The following NXPE1 variants were observed in gnomAD, a reference collection of about 807,000 sequenced individuals.
NXPE1 encodes neurexophilin and PC-esterase domain family member 1, also known as NXPE family member 1.
NXPE1 carries 31 observed loss-of-function variants against 33.3 expected under a neutral mutation model. The observed-to-expected ratio is 0.93, with a 90% confidence interval of 0.70 to 1.26. The LOEUF (loss-of-function observed/expected upper bound fraction) is 1.26, where lower values mean the gene tolerates loss of function less well. NXPE1 is among the 50% of genes most tolerant of loss of function. NXPE1 has a pLI of 0.00. For synonymous variants in NXPE1, 229 were observed against 231.4 expected, an observed-to-expected ratio of 0.99 and a Z score of 0.09; for missense variants, 661 against 655.6, an observed-to-expected ratio of 1.01 and a Z score of -0.09.
chr11:114,535,515 A>T (rs1947781134), intron 5 of NXPE1, among the ~76,000 whole-genome samples: 2 of 152,312 alleles, frequency 1.3e-5, no homozygotes, highest in South Asian at 4.1e-4. Flanking sequence ...AAGACCCATC[A>T]GTGTGCTGTA....
At chr11:114,542,871 ATATGAT>A (rs1247663328) in intron 5 of NXPE1, among the ~76,000 whole-genome samples, 1 of 152,240 alleles carries the variant, frequency 6.6e-6, no homozygotes, top group Non-Finnish European at 1.5e-5. Context: ...ACATGAATAT[ATATGAT>A]TATAACACAA....
intron 5 of NXPE1, among the ~76,000 whole-genome samples, chr11:114,538,582 A>G (rs1180077323): frequency 6.6e-6 from 1 of 152,234 alleles, no homozygotes; most frequent in African/African-American, 2.4e-5. Flanking sequence ...CAAATTTATA[A>G]GAAAAAAACA....
At chr11:114,545,311 C>T (rs1473146930) in intron 5 of NXPE1, among the ~76,000 whole-genome samples, 2 of 152,142 alleles carry the variant, frequency 1.3e-5, no homozygotes, top group East Asian at 1.9e-4. Flanking sequence ...CTGGAAGCAA[C>T]CAAGAGCTCT....
intron 5 of NXPE1, among the ~76,000 whole-genome samples, chr11:114,545,447 GAGAA>G (rs1413095261): frequency 1.3e-5 from 2 of 152,136 alleles, no homozygotes; most frequent in Non-Finnish European, 2.9e-5. Flanking sequence ...ATAATGCTAA[GAGAA>G]AGAAGCCCAT....
chr11:114,545,041 AT>A (rs1175121432), intron 5 of NXPE1, among the ~76,000 whole-genome samples: 1 of 152,190 alleles, frequency 6.6e-6, no homozygotes, highest in Non-Finnish European at 1.5e-5. Flanking sequence ...AATGGCTAAA[AT>A]TTAAAAAAAA....
chr11:114,528,255 G>A (rs1269666459), intron 6 of NXPE1, among the ~76,000 whole-genome samples: 1 of 152,098 alleles, frequency 6.6e-6, no homozygotes, highest in African/African-American at 2.4e-5. Flanking sequence ...ATTACTGTGA[G>A]CCTCTAATTG....
chr11:114,559,043 C>G (rs1443143296), intron 1 of NXPE1, among the ~76,000 whole-genome samples: 1 of 152,112 alleles, frequency 6.6e-6, no homozygotes, highest in African/African-American at 2.4e-5. Context: ...ATGAAGAGCT[C>G]TTAAAAACAG....
At chr11:114,548,440 T>C (rs1205454898) in intron 5 of NXPE1, among the ~76,000 whole-genome samples, 3 of 152,016 alleles carry the variant, frequency 2.0e-5, no homozygotes, top group African/African-American at 7.2e-5. Context: ...CCTCAATAAA[T>C]GCTAACTGGT....
downstream of NXPE1, among the ~76,000 whole-genome samples, chr11:114,520,578 G>A (rs1947190309): frequency 6.6e-6 from 1 of 152,160 alleles, no homozygotes; most frequent in East Asian, 1.9e-4. Flanking sequence ...GTGAGCATGA[G>A]AATGCAGATA....
intron 1 of NXPE1, among the ~76,000 whole-genome samples, chr11:114,554,649 A>G (rs115769150): frequency 8.7e-4 from 133 of 152,346 alleles, no homozygotes; most frequent in African/African-American, 3.0e-3. Context: ...CAAAGCAATA[A>G]TAATTATGAG....
exon 5 of NXPE1, chr11:114,551,113 T>G: frequency 6.6e-6 from 10 of 1,515,444 alleles, no homozygotes; most frequent in Non-Finnish European, 8.9e-6. Flanking sequence ...CTTTGTGAAG[T>G]TCTGAGAAAT....
intron 5 of NXPE1, among the ~76,000 whole-genome samples, chr11:114,532,196 G>A (rs1445008178): frequency 6.6e-6 from 1 of 152,190 alleles, no homozygotes; most frequent in Admixed American, 6.5e-5. Flanking sequence ...AGCCAAAGGA[G>A]AGGAGAAACA....
intron 4 of NXPE1, 71 bp from the exon 5 acceptor site, chr11:114,551,282 T>C: frequency 7.6e-7 from 1 of 1,321,640 alleles, no homozygotes; most frequent in Non-Finnish European, 1.0e-6. Context: ...ATTTTATTTA[T>C]AACTTGTAAT....
intron 5 of NXPE1, among the ~76,000 whole-genome samples, chr11:114,535,578 A>G (rs1268310932): frequency 6.6e-6 from 1 of 152,208 alleles, no homozygotes; most frequent in Non-Finnish European, 1.5e-5. Flanking sequence ...AAATAAAGGG[A>G]TGGAGGAAGA....
At chr11:114,526,022 C>G (rs1947358670) in intron 7 of NXPE1, among the ~76,000 whole-genome samples, 1 of 152,186 alleles carries the variant, frequency 6.6e-6, no homozygotes, top group Non-Finnish European at 1.5e-5. Flanking sequence ...TAGGCCCAAT[C>G]TAATGTCATT....
In NXPE1 at chr11:114,533,735, G is replaced by C. The variant is rs532989525; in HGVS notation, c.100-2827C>G. 1.1e-4 allele frequency among the ~76,000 whole-genome samples: 17 copies of C among 152,252 alleles called. No individual in the cohort carries two copies. In the East Asian group the frequency reaches 3.3e-3, roughly 29 times the overall value. On this transcript the variant is annotated intron_variant, in intron 5 of 8. Coordinates refer to ENST00000534921, the Ensembl canonical transcript of NXPE1. ...AACTGCAAGGCGGCAGCAAGACTAGGGGAGGGGCACCCACCATTGCTCAGG... is the reference window on the plus strand; with the variant it reads ...AACTGCAAGGCGGCAGCAAGACTAGCGGAGGGGCACCCACCATTGCTCAGG...
intron 5 of NXPE1, among the ~76,000 whole-genome samples, chr11:114,541,381 A>G (rs964691148): frequency 6.6e-6 from 1 of 152,238 alleles, no homozygotes; most frequent in African/African-American, 2.4e-5. Context: ...GTAAAAGAAA[A>G]TATGTTGTAA....
At chr11:114,519,223 C>A (rs892888229), downstream of NXPE1, among the ~76,000 whole-genome samples, 1 of 137,826 alleles carries the variant, frequency 7.3e-6, no homozygotes, top group Non-Finnish European at 1.5e-5. Context: ...AAATGCTTTC[C>A]CCCCGTTTGG....
chr11:114,525,153 A>C (rs1947330799), intron 7 of NXPE1, among the ~76,000 whole-genome samples: 1 of 151,692 alleles, frequency 6.6e-6, no homozygotes, highest in Non-Finnish European at 1.5e-5. Flanking sequence ...AGACATAAAC[A>C]TGGCTTCTGC....
Sources: gnomAD v4.1 joint callset for allele counts (sites outside exome capture counted in the v4.1 genomes callset) on GRCh38, gnomAD v4.1.1 for gene constraint, MANE v1.5 for transcripts, NCBI Gene and HGNC (gene_info 2026-07-23, HGNC 2026-07-21) for gene names.